CADPS2: variants seen among roughly 807,000 people sequenced by gnomAD.
The protein encoded by CADPS2 is calcium-dependent secretion activator 2.
In CADPS2, 93 loss-of-function variants were observed where a neutral mutation model predicts 172.5. The ratio of observed to expected loss-of-function variants is 0.54; its 90% CI spans 0.46 to 0.64. CADPS2 has a LOEUF of 0.64. Ranked by LOEUF, CADPS2 falls within the 30% of genes least tolerant of loss-of-function variation. The pLI is 0.00. For synonymous variants in CADPS2, 546 were observed against 555.2 expected, an observed-to-expected ratio of 0.98 and a Z score of 0.23; for missense variants, 1,420 against 1,565.9, an observed-to-expected ratio of 0.91 and a Z score of 1.57.
intron 2 of CADPS2, among the ~76,000 whole-genome samples, chr7:122,664,129 C>CCTGTGTCTG (rs1478175094): frequency 1.3e-5 from 2 of 150,114 alleles, no homozygotes; most frequent in African/African-American, 4.9e-5. Flanking sequence ...AACATCCATA[C>CCTGTGTCTG]CTGTGTCTGA....
At chr7:122,570,055 T>G (rs937632446) in intron 7 of CADPS2, among the ~76,000 whole-genome samples, 3 of 149,800 alleles carry the variant, frequency 2.0e-5, no homozygotes, top group African/African-American at 7.5e-5. Context: ...ACTAAAGAGC[T>G]TCTGCACAAC....
intron 1 of CADPS2, among the ~76,000 whole-genome samples, chr7:122,745,261 A>G (rs2092674794): frequency 6.6e-6 from 1 of 151,896 alleles, no homozygotes; most frequent in Admixed American, 6.6e-5. Context: ...CATCCCACAT[A>G]ATTGAAACTT....
At chr7:122,822,512 T>G (rs1312179682) in intron 1 of CADPS2, among the ~76,000 whole-genome samples, 2 of 150,784 alleles carry the variant, frequency 1.3e-5, no homozygotes, top group Non-Finnish European at 2.9e-5. Context: ...TTCAACACTA[T>G]TTTGTTTTAT....
At chr7:122,655,824 A>T (rs1421922087) in intron 3 of CADPS2, among the ~76,000 whole-genome samples, 1 of 152,122 alleles carries the variant, frequency 6.6e-6, no homozygotes, top group African/African-American at 2.4e-5. Flanking sequence ...TTTTTGTTTT[A>T]AAATCAATCA....
chr7:122,584,389 A>T (rs1435563298), intron 6 of CADPS2, among the ~76,000 whole-genome samples: 1 of 151,920 alleles, frequency 6.6e-6, no homozygotes, highest in Admixed American at 6.6e-5. Context: ...TACTTATACA[A>T]AGTTGTAAAT....
chr7:122,698,027 A>G (rs761393608), intron 2 of CADPS2: 4 of 1,613,584 alleles, frequency 2.5e-6, no homozygotes, highest in South Asian at 1.1e-5. Flanking sequence ...AGAATATCAC[A>G]TTTGCAAATG....
chr7:122,590,474 G>A (rs1363906872), intron 6 of CADPS2, among the ~76,000 whole-genome samples: 1 of 151,812 alleles, frequency 6.6e-6, no homozygotes, highest in East Asian at 1.9e-4. Context: ...CAAGACTTAA[G>A]ACATTCCCCT....
intron 22 of CADPS2, among the ~76,000 whole-genome samples, chr7:122,389,429 T>C (rs2044102356): frequency 6.6e-6 from 1 of 151,970 alleles, no homozygotes; most frequent in South Asian, 2.1e-4. Context: ...GGAGCCAAGA[T>C]TTGCTAAGCA....
At chr7:122,858,804 T>A (rs533872561) in intron 1 of CADPS2, among the ~76,000 whole-genome samples, 1 of 152,196 alleles carries the variant, frequency 6.6e-6, no homozygotes, top group Non-Finnish European at 1.5e-5. Context: ...ATTGGGGGCA[T>A]AGTGAGGTCC....
intron 3 of CADPS2, among the ~76,000 whole-genome samples, chr7:122,645,530 A>ATATATATATACTTATATATATATAAG (rs1563950940): frequency 4.1e-5 from 5 of 122,116 alleles, no homozygotes; most frequent in Non-Finnish European, 3.5e-5. Context: ...ATATATAAGT[A>ATATATATATACTTATATATATATAAG]TATATATATA....
At chr7:122,670,028 T>TC (rs746305432) in intron 2 of CADPS2, among the ~76,000 whole-genome samples, 1 of 151,732 alleles carries the variant, frequency 6.6e-6, no homozygotes, top group Non-Finnish European at 1.5e-5. Flanking sequence ...CTCAGGCCCT[T>TC]CTTCACCTCT....
At chr7:122,708,905 T>C (rs1256354932) in intron 2 of CADPS2, among the ~76,000 whole-genome samples, 1 of 151,960 alleles carries the variant, frequency 6.6e-6, no homozygotes, top group Non-Finnish European at 1.5e-5. Context: ...GTAAATAGTC[T>C]TAAGTAAACA....
At chr7:122,645,487 C>CATATATATATTTAA (rs2078352915) in intron 3 of CADPS2, among the ~76,000 whole-genome samples, 5 of 89,120 alleles carry the variant, frequency 5.6e-5, no homozygotes, top group South Asian at 3.0e-4. Context: ...ATATATTTAG[C>CATATATATATTTAA]GTATATATAT....
chr7:122,577,015 C>G (rs1302123511), intron 7 of CADPS2, among the ~76,000 whole-genome samples: 1 of 152,046 alleles, frequency 6.6e-6, no homozygotes, highest in Non-Finnish European at 1.5e-5. Flanking sequence ...CCTGCCTCGG[C>G]CTCCCATAAT....
intron 11 of CADPS2, among the ~76,000 whole-genome samples, chr7:122,483,787 G>A (rs2057536314): frequency 6.6e-6 from 1 of 151,642 alleles, no homozygotes; most frequent in Non-Finnish European, 1.5e-5. Context: ...AAATTTAAAG[G>A]GTATACTTTA....
chr7:122,629,484 G>A (rs11770661), intron 3 of CADPS2, among the ~76,000 whole-genome samples, 156 bp from the exon 4 acceptor site: 6,896 of 152,108 alleles, frequency 0.045, 225 homozygotes, highest in Non-Finnish European at 0.071. Context: ...GAATACAGGA[G>A]GTTGTTCAAT....
Position 122,319,438 on chromosome 7 carries a change from T to C in CADPS2, c.*727A>G, listed in dbSNP as rs2031918780. 6.6e-6 allele frequency: 1 copy of C among 152,220 alleles called. No individual in the cohort carries two copies. Among genetic ancestry groups the C allele is most frequent in the Non-Finnish European group, 1.5e-5 (1 of 68,044 alleles). 9.4% of individuals were successfully genotyped at this position (152,220 alleles called of 1,614,324 possible). A position where few individuals can be genotyped will look rare whatever the true frequency, so the allele number is the denominator to read the frequency against. On this transcript the variant is annotated 3_prime_UTR_variant, in exon 30 of 30. Transcript: ENST00000449022. ...TTTTATTGCCTGCAAGCTGTTATACTGGAGCAGGAGAATATGGTATCTTGA... is the reference window on the plus strand; with the variant it reads ...TTTTATTGCCTGCAAGCTGTTATACCGGAGCAGGAGAATATGGTATCTTGA...
chr7:122,770,884 C>T (rs1273420319), intron 1 of CADPS2, among the ~76,000 whole-genome samples: 10 of 152,144 alleles, frequency 6.6e-5, no homozygotes, highest in East Asian at 3.9e-4. Context: ...CGTCAAGTGA[C>T]GAAGCAGGTC....
At chr7:122,592,205 G>T (rs1283121733) in intron 6 of CADPS2, among the ~76,000 whole-genome samples, 5 of 152,150 alleles carry the variant, frequency 3.3e-5, no homozygotes, top group Non-Finnish European at 5.9e-5. Context: ...CTCAAAACAA[G>T]ACATTTATGC....
Sources: allele counts gnomAD v4.1 joint callset (sites outside exome capture counted in the v4.1 genomes callset), GRCh38; gene constraint gnomAD v4.1.1; transcripts MANE v1.5; gene names NCBI Gene and HGNC (gene_info 2026-07-23, HGNC 2026-07-21).